MYO9A: variants seen among roughly 807,000 people sequenced by gnomAD.
MYO9A encodes the protein myosin IXA, also known as unconventional myosin-IXa.
A neutral mutation model predicts 293.3 loss-of-function variants in MYO9A; 103 were observed. The ratio of observed to expected loss-of-function variants is 0.35; its 90% CI spans 0.30 to 0.41. MYO9A has a LOEUF of 0.41. Ranked by LOEUF, MYO9A falls within the 10% of genes least tolerant of loss-of-function variation. The pLI, the probability that MYO9A is intolerant of heterozygous loss-of-function variation, is 1.00. For missense variants in MYO9A, 2,685 were observed against 3,033.0 expected (o/e 0.89, Z 2.69); for synonymous variants, 1,001 against 1,035.7 (o/e 0.97, Z 0.64).
intron 2 of MYO9A, among the ~76,000 whole-genome samples, chr15:72,037,046 T>C (rs564724369): frequency 9.2e-5 from 14 of 151,896 alleles, no homozygotes; most frequent in Admixed American, 5.9e-4. Flanking sequence ...ATCCTACTTT[T>C]TTTTTTGCAA....
chr15:72,055,883 A>T (rs1390471341), intron 1 of MYO9A, among the ~76,000 whole-genome samples: 1 of 152,234 alleles, frequency 6.6e-6, no homozygotes, highest in East Asian at 1.9e-4. Context: ...AAATACATTC[A>T]CTATATGTAA....
At chr15:71,901,551 T>TAC (rs1198734083) in intron 22 of MYO9A, among the ~76,000 whole-genome samples, 2 of 151,612 alleles carry the variant, frequency 1.3e-5, no homozygotes, top group African/African-American at 4.9e-5. Context: ...GTGAGCTGGG[T>TAC]GTGGTGCTAC....
At chr15:71,923,727 T>G (rs2058216140) in intron 18 of MYO9A, among the ~76,000 whole-genome samples, 1 of 152,202 alleles carries the variant, frequency 6.6e-6, no homozygotes, top group Non-Finnish European at 1.5e-5. Context: ...TCTCTGAATT[T>G]GAATCTTTTC....
chr15:71,848,236 T>C (rs1415570240), intron 39 of MYO9A, among the ~76,000 whole-genome samples: 3 of 151,362 alleles, frequency 2.0e-5, no homozygotes, highest in African/African-American at 4.8e-5. Context: ...TTAGTGGTCA[T>C]TGAGAACTGG....
At chr15:71,878,355 T>C (rs2142382016) in intron 30 of MYO9A, 124 bp from the exon 31 acceptor site, 1 of 616,566 alleles carries the variant, frequency 1.6e-6, no homozygotes, top group South Asian at 4.3e-5. Context: ...TAATTTCTAA[T>C]GAGCATGCCC....
intron 12 of MYO9A, among the ~76,000 whole-genome samples, chr15:71,971,462 C>T (rs1271413153): frequency 2.0e-5 from 3 of 151,914 alleles, no homozygotes; most frequent in African/African-American, 7.3e-5. Context: ...TGGTATGTGC[C>T]TGTAGTCCCA....
chr15:72,059,935 C>G (rs2078831387), intron 1 of MYO9A, among the ~76,000 whole-genome samples: 1 of 152,112 alleles, frequency 6.6e-6, no homozygotes, highest in African/African-American at 2.4e-5. Context: ...AGTTCTTAAT[C>G]CAAACATTTT....
chr15:71,846,646 CAA>C (rs935240671), intron 39 of MYO9A, among the ~76,000 whole-genome samples: 7 of 152,124 alleles, frequency 4.6e-5, no homozygotes, highest in Non-Finnish European at 1.5e-5. Flanking sequence ...CAGTTATAGA[CAA>C]AAAGAAAAAC....
intron 14 of MYO9A, among the ~76,000 whole-genome samples, chr15:71,954,421 G>T (rs1296206903): frequency 6.6e-6 from 1 of 152,110 alleles, no homozygotes; most frequent in Non-Finnish European, 1.5e-5. Flanking sequence ...AGCCAGGATG[G>T]TCTCTATCTC....
At position 71,841,750 on chromosome 15, in the gene MYO9A, C is replaced by T. The variant is rs144991885; in HGVS notation, c.6837+7095G>A. On this transcript the variant is annotated intron_variant, in intron 39 of 41. Transcript: ENST00000356056. ...TCCTAGGCTCAGGTGATTTTCTCAT[C>T]TCAGCCTCCCTAGTGGCTGGGACTA... Among the ~76,000 whole-genome samples, 156 of 151,726 alleles carry T rather than the reference C, an allele frequency of 1.0e-3. 4 individuals carry two copies. In the East Asian group the frequency reaches 0.029, roughly 28 times the overall value.
chr15:71,996,858 G>C (rs956218978), intron 9 of MYO9A, among the ~76,000 whole-genome samples: 1 of 151,870 alleles, frequency 6.6e-6, no homozygotes, highest in Non-Finnish European at 1.5e-5. Context: ...GGGGGTACAA[G>C]TTCTATATAA....
rs28455090 is a variant in MYO9A at position 71,979,992 on chromosome 15, A to G, written c.1723-1700T>C. Among the ~76,000 whole-genome samples, 860 of 152,268 alleles carry G rather than the reference A, an allele frequency of 5.6e-3. 12 individuals are homozygous for G. The highest frequency in any genetic ancestry group is 0.02 in the African/African-American group (814 of 41,554). ...AGAGTATTCCATTGTATCTGTATAC[A>G]ATAACTTGTTCACCCATTCTACTTT... On this transcript the variant is annotated intron_variant, in intron 11 of 41. Coordinates refer to ENST00000356056, the MANE Select transcript of MYO9A (RefSeq NM_006901.4).
At chr15:71,986,159 A>G (rs1171053971) in intron 11 of MYO9A, among the ~76,000 whole-genome samples, 1 of 152,232 alleles carries the variant, frequency 6.6e-6, no homozygotes, top group Non-Finnish European at 1.5e-5. Context: ...TAGAAACAGT[A>G]TAGCAACTAT....
At chr15:71,859,952 A>C (rs1187998714) in intron 33 of MYO9A, among the ~76,000 whole-genome samples, 156 bp from the exon 34 acceptor site, 1 of 152,244 alleles carries the variant, frequency 6.6e-6, no homozygotes, top group Non-Finnish European at 1.5e-5. Context: ...GTAATTAAAA[A>C]GAATTTTAAC....
intron 39 of MYO9A, among the ~76,000 whole-genome samples, chr15:71,831,465 G>C (rs1165464265): frequency 6.6e-6 from 1 of 152,176 alleles, no homozygotes; most frequent in African/African-American, 2.4e-5. Flanking sequence ...CCACTCAATG[G>C]TGTGGGTTGC....
chr15:72,118,007 C>T lies in MYO9A; in HGVS notation c.-399G>A, dbSNP rs913902522. 33 of 398,272 alleles carry T rather than the reference C, an allele frequency of 8.3e-5. No homozygotes were observed. The highest frequency in any genetic ancestry group is 1.3e-4 in the Non-Finnish European group (30 of 226,060). The allele number at this position is 398,272 out of a possible 1,614,324, so 24.7% of individuals were successfully genotyped here. A position where few individuals can be genotyped will look rare whatever the true frequency, so the allele number is the denominator to read the frequency against. ...CTACTGCCTCCGCCGCCGCCTCTCG[C>T]AGTCCGGGCTGTCCTGTACTCTCTC... On this transcript the variant is annotated 5_prime_UTR_variant, in exon 1 of 42. Coordinates refer to ENST00000356056, the MANE Select transcript of MYO9A (RefSeq NM_006901.4).
At position 72,017,165 on chromosome 15, in the gene MYO9A, C is replaced by T. The variant is rs540351571; in HGVS notation, c.1155+1874G>A. Among the ~76,000 whole-genome samples, 12 of 151,840 alleles carry T rather than the reference C, an allele frequency of 7.9e-5. No individual in the cohort carries two copies. In the South Asian group the frequency reaches 2.1e-3, roughly 26 times the overall value. On this transcript the variant is annotated intron_variant, in intron 6 of 41. Transcript: ENST00000356056. ...CCTCCTGAGTAGCTGGAACTACAGG[C>T]GTGTATCACTATACCTGGCTTAAAT...
At chr15:72,038,393 T>G (rs372091263) in intron 2 of MYO9A, among the ~76,000 whole-genome samples, 2 of 152,082 alleles carry the variant, frequency 1.3e-5, no homozygotes, top group East Asian at 1.9e-4. Context: ...CGAAAGACCA[T>G]GTTCTGGGCC....
intron 14 of MYO9A, among the ~76,000 whole-genome samples, chr15:71,957,316 C>T (rs924120381): frequency 6.6e-6 from 1 of 151,990 alleles, no homozygotes; most frequent in African/African-American, 2.4e-5. Flanking sequence ...GATTAAATTC[C>T]AGGGTTCTGA....
Sources: allele counts gnomAD v4.1 joint callset (sites outside exome capture counted in the v4.1 genomes callset), GRCh38; gene constraint gnomAD v4.1.1; transcripts MANE v1.5; gene names NCBI Gene and HGNC (gene_info 2026-07-23, HGNC 2026-07-21).